Variants in NUDT5 observed in about 807,000 individuals in gnomAD.
The protein encoded by NUDT5 is nudix hydrolase 5.
NUDT5 carries 21 observed loss-of-function variants against 34.1 expected under a neutral mutation model. The observed-to-expected ratio is 0.62, with a 90% CI of 0.44 to 0.89. The LOEUF is 0.89. Ranked by LOEUF, NUDT5 falls within the 40% of genes least tolerant of loss-of-function variation. The pLI is 0.00. For synonymous variants in NUDT5, 85 were observed against 97.6 expected (o/e 0.87, Z 0.76); for missense variants, 249 against 274.8 (o/e 0.91, Z 0.66).
chr10:12,195,334 T>C (rs1835316655), intron 1 of NUDT5, among the ~76,000 whole-genome samples: 1 of 152,156 alleles, frequency 6.6e-6, no homozygotes, highest in South Asian at 2.1e-4. Context: ...AATCTGCGTT[T>C]TTTCCAGGTT....
Position 12,182,187 on chromosome 10 carries a change from C to A in NUDT5, c.131+2702G>T, listed in dbSNP as rs1835053852. Among the ~76,000 whole-genome samples, 1 of 152,022 alleles carries A rather than the reference C, an allele frequency of 6.6e-6. No individual in the cohort carries two copies. The highest frequency in any genetic ancestry group is 1.5e-5 in the Non-Finnish European group (1 of 68,010). Reference sequence around the variant, plus strand: ...GAGCTGAAGGGGAGGGTTCCTTTTCCCCTGGGGGGACACTGAATGTCTGTG... The same window carrying A: ...GAGCTGAAGGGGAGGGTTCCTTTTCACCTGGGGGGACACTGAATGTCTGTG... On this transcript the variant is annotated intron_variant, in intron 3 of 9. Transcript: ENST00000491614. This position sits in a 1 kb window ranked among gnomAD's most constrained non-coding sequence, Gnocchi z 4.3.
chr10:12,170,566 T>C lies in NUDT5; in HGVS notation c.550+151A>G, dbSNP rs1834833627. ...TGTGCCACCCAGAAAGGAAAATTAG[T>C]AGTGGTCACCTGCAGTTTTACAAGT... On this transcript the variant is annotated intron_variant, in intron 9 of 9. Coordinates refer to ENST00000491614, the MANE Select transcript of NUDT5 (RefSeq NM_014142.4). This position sits in a 1 kb window ranked among gnomAD's most constrained non-coding sequence, Gnocchi z 4.9. 3.9e-6 allele frequency: 3 copies of C among 766,962 alleles called. No individual in the cohort carries two copies. The highest frequency in any genetic ancestry group is 6.6e-6 in the Non-Finnish European group (3 of 451,254). 47.5% of individuals were successfully genotyped at this position (766,962 alleles called of 1,614,324 possible).
intron 1 of NUDT5, among the ~76,000 whole-genome samples, chr10:12,188,447 C>A (rs965309977): frequency 4.6e-5 from 7 of 152,152 alleles, no homozygotes; most frequent in Admixed American, 1.3e-4. Context: ...GCGGTGAGGC[C>A]GGGTGCGGTG....
At chr10:12,167,937 GT>G (rs71513318) in intron 9 of NUDT5, 126 bp from the exon 10 acceptor site, 599,977 of 1,434,524 alleles carry the variant, frequency 0.42, 127,188 homozygotes, top group East Asian at 0.51. Flanking sequence ...TGGTGATAAC[GT>G]TTTTTTTGGT....
rs543267377 is a variant in NUDT5 at position 12,184,892 on chromosome 10, G to A, written c.128C>T (p.Thr43Ile). The stretch of plus-strand genomic sequence containing the variant: ...GTAAGAAAAAAAAAAAGTTTACCTA[G>A]TTTTACCAGTAGGATCCATGTACGT... The part of the protein sequence containing the change: ...KTTYMDPTGK[T>I]RTWESVKRTT... The change falls in exon 3 of 10, where the codon ACT (threonine) becomes ATT (isoleucine). Residue 43 changes from threonine (T) to isoleucine (I), a missense_variant. Physicochemically the swap from Thr to Ile is moderately conservative, Grantham distance 89. Transcript: ENST00000491614. 7 of 1,530,620 alleles carry A rather than the reference G, an allele frequency of 4.6e-6. No homozygotes were observed. The highest frequency in any genetic ancestry group is 6.2e-6 in the Non-Finnish European group (7 of 1,124,128). 94.8% of individuals were successfully genotyped at this position (1,530,620 alleles called of 1,614,324 possible).
rs1239872977 is a variant in NUDT5, at chr10:12,187,052, AT to A, written c.-41-721del. Among the ~76,000 whole-genome samples, 4 of 150,682 alleles carry A rather than the reference AT, an allele frequency of 2.7e-5. No individual in the cohort carries two copies. The highest frequency in any genetic ancestry group is 4.4e-5 in the Non-Finnish European group (3 of 67,608). On this transcript the variant is annotated intron_variant, in intron 1 of 9. Coordinates refer to ENST00000491614, the MANE Select transcript of NUDT5 (RefSeq NM_014142.4). This position sits in a 1 kb window ranked among gnomAD's most constrained non-coding sequence, Gnocchi z 5.4. The stretch of plus-strand genomic sequence containing the variant: ...CACCTAAACTTACTTATTTTTTGAG[AT>A]GTAAGATCTCACTCTGTTGCACAGG...
At position 12,173,807 on chromosome 10, in the gene NUDT5, A is replaced by G. The variant is rs1336059876; in HGVS notation, c.296T>C (p.Ile99Thr). 6.2e-6 allele frequency: 10 copies of G among 1,611,960 alleles called. No individual in the cohort carries two copies. Among genetic ancestry groups the G allele is most frequent in the Non-Finnish European group, 7.6e-6 (9 of 1,178,522 alleles). ...TGCTTCTGGGGTTTCACCATCATCT[A>G]TGAGACCTGCAAGTCCAAATCATTG... is the stretch of plus-strand genomic sequence containing the variant. ...GYCIEFPAGLIDDGETPEAAA... is the reference protein window; with the variant it reads ...GYCIEFPAGLTDDGETPEAAA... The change falls in exon 6 of 10, where the codon ATA becomes ACA. Residue 99 changes from isoleucine to threonine, a missense_variant. By Grantham distance (89) the Ile-to-Thr change is moderately conservative (BLOSUM62 -1). Coordinates refer to ENST00000491614, the MANE Select transcript of NUDT5 (RefSeq NM_014142.4). The surrounding 1 kb of genome is among the most constrained non-coding windows in gnomAD (Gnocchi z 4.7).
chr10:12,172,482 G>A (rs1371571108), intron 7 of NUDT5: 1 of 442,954 alleles, frequency 2.3e-6, no homozygotes, highest in Non-Finnish European at 4.1e-6. Flanking sequence ...TACTACTTAA[G>A]CCTGCAGCTC....
chr10:12,193,430 C>T (rs1219409658), intron 1 of NUDT5, among the ~76,000 whole-genome samples: 1 of 152,162 alleles, frequency 6.6e-6, no homozygotes, highest in Non-Finnish European at 1.5e-5. Flanking sequence ...AGGAATTGCA[C>T]AATAAATCTC....
chr10:12,181,166 T>G lies in NUDT5; in HGVS notation c.132-2034A>C, dbSNP rs1439729777. 6.6e-6 allele frequency among the ~76,000 whole-genome samples: 1 copy of G among 152,198 alleles called. No individual in the cohort carries two copies. Among genetic ancestry groups the G allele is most frequent in the African/African-American group, 2.4e-5 (1 of 41,440 alleles). The stretch of plus-strand genomic sequence containing the variant: ...GGTCCACACTTTTTCTTGCCATTAT[T>G]CCCTAAACAATAGAGTACGACTGTT... On this transcript the variant is annotated intron_variant, in intron 3 of 9. Transcript: ENST00000491614. The surrounding 1 kb of genome is among the most constrained non-coding windows in gnomAD (Gnocchi z 5.0).
chr10:12,179,163 T>C (rs370601771), intron 3 of NUDT5, 31 bp from the exon 4 acceptor site: 7 of 1,595,612 alleles, frequency 4.4e-6, no homozygotes, highest in Admixed American at 1.7e-5. Context: ...AAAAAGTCAT[T>C]AGTGCTACAG....
In NUDT5 at chr10:12,179,079, C is replaced by T. The variant is rs1835003387; in HGVS notation, c.181+4G>A. The T allele has an allele frequency of 3.1e-6, 5 of 1,613,248 alleles. No individual in the cohort carries two copies. The highest frequency in any genetic ancestry group is 4.2e-6 in the Non-Finnish European group (5 of 1,179,314). ...AAAGGGTTGGAATAGGTTTGCACTC[C>T]TACCATCCGCAGTCTGCTCTTTCCT... is the stretch of plus-strand genomic sequence containing the variant. On this transcript the variant is annotated splice_donor_region_variant and intron_variant, in intron 4 of 9. Transcript: ENST00000491614.
intron 3 of NUDT5, 41 bp downstream of exon 3, chr10:12,184,848 C>A (rs1237767936): frequency 1.8e-6 from 2 of 1,135,560 alleles, no homozygotes; most frequent in Middle Eastern, 2.0e-4. Flanking sequence ...AACCTGAGAA[C>A]CCAAATAACG....
At position 12,187,190 on chromosome 10, in the gene NUDT5, A is replaced by G. The variant is rs1470644779; in HGVS notation, c.-41-858T>C. 6.6e-6 allele frequency among the ~76,000 whole-genome samples: 1 copy of G among 152,142 alleles called. No homozygotes were observed. Among genetic ancestry groups the G allele is most frequent in the African/African-American group, 2.4e-5 (1 of 41,424 alleles). On this transcript the variant is annotated intron_variant, in intron 1 of 9. Coordinates refer to ENST00000491614, the MANE Select transcript of NUDT5 (RefSeq NM_014142.4). The surrounding 1 kb of genome is among the most constrained non-coding windows in gnomAD (Gnocchi z 5.4). The stretch of plus-strand genomic sequence containing the variant: ...TGGGATTACAGGTGCATGCTACCAC[A>G]GCCAACTAATGTTTTAAACTTTTGG...
At chr10:12,193,155 A>G (rs191719357) in intron 1 of NUDT5, among the ~76,000 whole-genome samples, 6 of 152,326 alleles carry the variant, frequency 3.9e-5, no homozygotes, top group Non-Finnish European at 8.8e-5. Context: ...CACTGTAAAG[A>G]TAGTCCAGGC....
Position 12,168,255 on chromosome 10 carries a change from A to T in NUDT5, c.551-444T>A, listed in dbSNP as rs2131694371. Among the ~76,000 whole-genome samples, 1 of 152,120 alleles carries T rather than the reference A, an allele frequency of 6.6e-6. No homozygotes were observed. The highest frequency in any genetic ancestry group is 2.1e-4 in the South Asian group (1 of 4,812). On this transcript the variant is annotated intron_variant, in intron 9 of 9. Coordinates refer to ENST00000491614, the MANE Select transcript of NUDT5 (RefSeq NM_014142.4). This position sits in a 1 kb window ranked among gnomAD's most constrained non-coding sequence, Gnocchi z 4.8. The stretch of plus-strand genomic sequence containing the variant: ...TGGCCAGGATGGTTTCGATCTCCTG[A>T]CCTCGTGATCCACCCGCCTCAGCCT...
chr10:12,188,448 G>A (rs1588662321), intron 1 of NUDT5, among the ~76,000 whole-genome samples: 1 of 152,184 alleles, frequency 6.6e-6, no homozygotes, highest in South Asian at 2.1e-4. Flanking sequence ...CGGTGAGGCC[G>A]GGTGCGGTGG....
Position 12,186,404 on chromosome 10 carries a change from T to G in NUDT5, c.-41-72A>C, listed in dbSNP as rs574984921. On this transcript the variant is annotated intron_variant, in intron 1 of 9. Transcript: ENST00000491614. ...TAAACATTCGTCCACAGGACACTAGTCAAAGTACTTAAACGGCAAAAAATT... is the reference window on the plus strand; with the variant it reads ...TAAACATTCGTCCACAGGACACTAGGCAAAGTACTTAAACGGCAAAAAATT... The G allele has an allele frequency of 8.4e-5, 71 of 845,136 alleles. No individual in the cohort carries two copies. In the African/African-American group the frequency reaches 1.1e-3, roughly 13 times the overall value. The allele number at this position is 845,136 out of a possible 1,614,324, so 52.4% of individuals were successfully genotyped here.
chr10:12,193,157 A>G (rs985274102), intron 1 of NUDT5, among the ~76,000 whole-genome samples: 8 of 152,210 alleles, frequency 5.3e-5, no homozygotes, highest in African/African-American at 1.9e-4. Flanking sequence ...CTGTAAAGAT[A>G]GTCCAGGCAG....
Sources: gnomAD v4.1 joint callset for allele counts (sites outside exome capture counted in the v4.1 genomes callset) on GRCh38, gnomAD v4.1.1 for gene constraint, Gnocchi (gnomAD v3.1) non-coding constraint, MANE v1.5 for transcripts, NCBI Gene and HGNC (gene_info 2026-07-23, HGNC 2026-07-21) for gene names.